ZNF644: variants seen among roughly 807,000 people sequenced by gnomAD.
ZNF644 encodes the protein zinc finger protein 644.
Under a neutral mutation model 108.0 loss-of-function variants are expected in ZNF644, and 20 were observed. That is an observed-to-expected ratio of 0.19 (90% CI 0.13 to 0.27). The LOEUF (loss-of-function observed/expected upper bound fraction) is 0.27, where lower values mean the gene tolerates loss of function less well. ZNF644 is among the 10% of genes least tolerant of loss of function. The pLI is 1.00. For synonymous variants in ZNF644, 542 were observed against 539.1 expected, an observed-to-expected ratio of 1.01 and a Z score of -0.08; for missense variants, 1,338 against 1,548.9, an observed-to-expected ratio of 0.86 and a Z score of 2.29.
intron 5 of ZNF644, 120 bp from the exon 6 acceptor site, chr1:90,917,110 A>T (rs902826427): frequency 2.0e-6 from 2 of 1,007,404 alleles, no homozygotes; most frequent in Non-Finnish European, 3.0e-6. Flanking sequence ...CAATTGATAA[A>T]GTTTCTAAAG....
chr1:90,947,306 T>C (rs370276455), intron 2 of ZNF644, among the ~76,000 whole-genome samples: 23 of 152,302 alleles, frequency 1.5e-4, no homozygotes, highest in African/African-American at 5.1e-4. Context: ...AATAGACATA[T>C]ATGCACGTGG....
intron 1 of ZNF644, among the ~76,000 whole-genome samples, chr1:91,013,490 C>G (rs1570587482): frequency 6.6e-6 from 1 of 150,958 alleles, no homozygotes; most frequent in African/African-American, 2.5e-5. Context: ...CACATACACA[C>G]ACACACACAC....
At chr1:91,007,654 T>C (rs1659585179) in intron 1 of ZNF644, among the ~76,000 whole-genome samples, 1 of 152,204 alleles carries the variant, frequency 6.6e-6, no homozygotes, top group African/African-American at 2.4e-5. Context: ...GAATTTAATA[T>C]TCTGAATTTC....
intron 1 of ZNF644, among the ~76,000 whole-genome samples, chr1:91,013,545 T>C (rs1660169077): frequency 6.6e-6 from 1 of 151,906 alleles, no homozygotes; most frequent in Non-Finnish European, 1.5e-5. Flanking sequence ...TTCAAGCCAC[T>C]CTATTACCTG....
chr1:90,938,503 A>G lies in ZNF644; in HGVS notation c.2851T>C (p.Ser951Pro), dbSNP rs746724976. The G allele has an allele frequency of 2.2e-5, 36 of 1,614,012 alleles. No homozygotes were observed. The highest frequency in any genetic ancestry group is 3.1e-5 in the Non-Finnish European group (36 of 1,179,922). ...TADASLSKHS[S>P]VFHWTDLSLE... ...GACAAATCAGTCCAATGAAAAACAG[A>G]ACTATGCTTTGACAATGAAGCATCT... Residue 951 changes from serine (S) to proline (P), a missense_variant, in exon 3 of 6, where the codon TCT (serine) becomes CCT (proline). This residue lies in a region of ZNF644 where 462 missense variants were observed against 472.6 expected (regional missense o/e 0.98). Coordinates refer to ENST00000337393, the MANE Select transcript of ZNF644 (RefSeq NM_201269.3). The surrounding 1 kb of genome is among the most constrained non-coding windows in gnomAD (Gnocchi z 4.2).
At chr1:91,001,535 T>C (rs1208570747) in intron 1 of ZNF644, among the ~76,000 whole-genome samples, 1 of 152,184 alleles carries the variant, frequency 6.6e-6, no homozygotes. Context: ...GGGACGTATC[T>C]CAAAATAACA....
At chr1:90,971,870 T>C (rs1655517627) in intron 2 of ZNF644, among the ~76,000 whole-genome samples, 1 of 152,210 alleles carries the variant, frequency 6.6e-6, no homozygotes. Flanking sequence ...AGGCCCTTTT[T>C]TCATCATTTC....
At chr1:90,918,248 A>T (rs1649026769) in intron 4 of ZNF644, 94 bp from the exon 5 acceptor site, 3 of 1,029,952 alleles carry the variant, frequency 2.9e-6, no homozygotes, top group Non-Finnish European at 4.5e-6. Context: ...AGACCATCTA[A>T]ATCAGTTAGA....
At chr1:90,988,415 A>T (rs1657324422) in intron 1 of ZNF644, among the ~76,000 whole-genome samples, 1 of 152,154 alleles carries the variant, frequency 6.6e-6, no homozygotes, top group South Asian at 2.1e-4. Context: ...ATGGAAACAC[A>T]CTGTACCCAC....
chr1:91,005,833 T>C (rs555489481), intron 1 of ZNF644, among the ~76,000 whole-genome samples: 3 of 151,678 alleles, frequency 2.0e-5, no homozygotes, highest in African/African-American at 4.8e-5. Context: ...CTTAAATCCA[T>C]AACCTAATTT....
At chr1:90,973,033 G>A (rs1308037852) in intron 2 of ZNF644, 2 of 151,980 alleles carry the variant, frequency 1.3e-5, no homozygotes, top group East Asian at 3.9e-4. Flanking sequence ...TGGTGGTGAT[G>A]AGTGCACATT....
At chr1:90,946,886 T>C (rs991463441) in intron 2 of ZNF644, among the ~76,000 whole-genome samples, 1 of 152,118 alleles carries the variant, frequency 6.6e-6, no homozygotes, top group African/African-American at 2.4e-5. Flanking sequence ...GGAAGGCAGA[T>C]GTTACAAAGT....
chr1:90,982,954 T>C (rs530443709), intron 1 of ZNF644, among the ~76,000 whole-genome samples: 27 of 152,194 alleles, frequency 1.8e-4, no homozygotes, highest in Admixed American at 1.3e-3. Flanking sequence ...ATTTAATCTT[T>C]AATCTAGTAT....
rs545783187 is a variant in ZNF644 at position 90,946,044 on chromosome 1, C to T, written c.45-4735G>A. ...TTAAATTATCCTTGTGAACACATGA[C>T]AACTTCAGTTAGTAATGTATGAGAT... On this transcript the variant is annotated intron_variant, in intron 2 of 5. Coordinates refer to ENST00000337393, the MANE Select transcript of ZNF644 (RefSeq NM_201269.3). Among the ~76,000 whole-genome samples the T allele has an allele frequency of 3.2e-4, 48 of 152,108 alleles. No individual in the cohort carries two copies. The South Asian group carries it at 9.1e-3, about 29-fold the overall frequency.
At chr1:91,019,682 T>G (rs1461469372) in intron 1 of ZNF644, among the ~76,000 whole-genome samples, 1 of 152,200 alleles carries the variant, frequency 6.6e-6, no homozygotes, top group South Asian at 2.1e-4. Flanking sequence ...GTGATTCTCC[T>G]GCCTCAGCCT....
At chr1:90,983,954 T>A (rs552316240) in intron 1 of ZNF644, among the ~76,000 whole-genome samples, 1 of 151,936 alleles carries the variant, frequency 6.6e-6, no homozygotes, top group Non-Finnish European at 1.5e-5. Flanking sequence ...GAAGAAGACA[T>A]GGCAGAGAGA....
rs1246974229 is a variant in ZNF644, at chr1:91,022,011, A to G, written c.-39T>C. On this transcript the variant is annotated 5_prime_UTR_variant, in exon 1 of 6. Transcript: ENST00000337393. The stretch of plus-strand genomic sequence containing the variant: ...TCACAGTTTGGTGCCGTGTGCGTCA[A>G]ACCGGGGCGACGTTGGGAGCACGCG... 1 of 398,856 alleles carries G rather than the reference A, an allele frequency of 2.5e-6. No individual in the cohort carries two copies. The highest frequency in any genetic ancestry group is 4.4e-6 in the Non-Finnish European group (1 of 225,974). The allele number at this position is 398,856 out of a possible 1,614,324, so 24.7% of individuals were successfully genotyped here.
intron 1 of ZNF644, among the ~76,000 whole-genome samples, chr1:90,995,131 A>G (rs1434366238): frequency 6.6e-6 from 1 of 152,208 alleles, no homozygotes. Flanking sequence ...TTCTGAGTCT[A>G]CCTGAATTAA....
intron 4 of ZNF644, among the ~76,000 whole-genome samples, chr1:90,925,940 T>C (rs888681101): frequency 7.2e-5 from 11 of 152,114 alleles, no homozygotes; most frequent in Admixed American, 2.6e-4. Context: ...ACCTTAAAAA[T>C]TGAGTTCCCA....
Sources: gnomAD v4.1 joint callset for allele counts (sites outside exome capture counted in the v4.1 genomes callset) on GRCh38, gnomAD v4.1.1 for gene constraint, gnomAD v4.1.1 regional missense constraint, Gnocchi (gnomAD v3.1) non-coding constraint, MANE v1.5 for transcripts, NCBI Gene and HGNC (gene_info 2026-07-23, HGNC 2026-07-21) for gene names.